Variants in RFNG observed in about 807,000 individuals in gnomAD.
RFNG encodes beta-1,3-N-acetylglucosaminyltransferase radical fringe.
RFNG carries 37 observed loss-of-function variants against 29.6 expected under a neutral mutation model. The observed-to-expected ratio is 1.25, with a 90% CI of 0.96 to 1.65. The LOEUF (loss-of-function observed/expected upper bound fraction) is 1.65. Ranked by LOEUF, RFNG falls within the 40% of genes most tolerant of loss-of-function variation. The pLI, the probability that RFNG is intolerant of heterozygous loss-of-function variation, is 0.00. For missense variants in RFNG, 546 were observed against 457.0 expected (o/e 1.19, Z -1.78); for synonymous variants, 276 against 197.3 (o/e 1.40, Z -3.34).
rs1425984583 is a variant in RFNG, at chr17:82,050,490, C to G, written c.485G>C (p.Ser162Thr). Residue 162 changes from serine (S) to threonine (T), a missense_variant, in exon 4 of 8, where the codon AGC becomes ACC. Transcript: ENST00000310496. ...GTAGACGTCCTGGCTGGGTGAGAAG[C>G]TGGAGAGCAGGTGCAGGAGGCTCCT... ...NARSLLHLLS[S>T]FSPSQDVYLG... The G allele has an allele frequency of 6.2e-7, 1 of 1,613,008 alleles. No homozygotes were observed.
At chr17:82,050,343 C>T (rs2030296059) in intron 4 of RFNG, 59 bp downstream of exon 4, 7 of 1,506,676 alleles carry the variant, frequency 4.6e-6, no homozygotes, top group African/African-American at 4.2e-5. Flanking sequence ...CTCTGCTGTG[C>T]CTCCCGGGCT....
Position 82,048,161 on chromosome 17 carries a change from C to G in RFNG, c.*565G>C, listed in dbSNP as rs1422757005. Reference sequence around the variant, plus strand: ...CATCTCTGTGGTCCCAGTCAAGAGGCCTCCGAATGAGGCGCCTGGACTGGG... The same window carrying G: ...CATCTCTGTGGTCCCAGTCAAGAGGGCTCCGAATGAGGCGCCTGGACTGGG... On this transcript the variant is annotated 3_prime_UTR_variant, in exon 8 of 8. Transcript: ENST00000310496. 1.3e-5 allele frequency: 2 copies of G among 156,566 alleles called. No individual in the cohort carries two copies. The highest frequency in any genetic ancestry group is 2.4e-5 in the African/African-American group (1 of 41,474). The allele number at this position is 156,566 out of a possible 1,614,324, so 9.7% of individuals were successfully genotyped here. A position where few individuals can be genotyped will look rare whatever the true frequency, so the allele number is the denominator to read the frequency against.
chr17:82,048,973 G>A (rs1364111327), intron 7 of RFNG, 58 bp downstream of exon 7: 23 of 1,565,920 alleles, frequency 1.5e-5, no homozygotes, highest in Non-Finnish European at 2.0e-5. Flanking sequence ...TGGGTAGAGG[G>A]AGCTGATGCC....
At chr17:82,049,497 A>G in intron 6 of RFNG, 180 bp downstream of exon 6, 1 of 762,868 alleles carries the variant, frequency 1.3e-6, no homozygotes, top group Non-Finnish European at 2.3e-6. Context: ...ACCATACCCC[A>G]TCTGTACGTG....
chr17:82,048,774 G>A lies in RFNG; in HGVS notation c.948C>T (p.Asp316=). ...GTTTCTGCCTGGGACACCAGTCCGT[G>A]TCTGGGTACAGAAGACAATGGATAG... ...FKSIHCLLYP[D]TDWCPRQKQG... Residue 316 remains aspartate (D), a synonymous_variant, in exon 8 of 8, where the codon GAC becomes GAT. Transcript: ENST00000310496. 3.7e-6 allele frequency: 6 copies of A among 1,613,370 alleles called. No homozygotes were observed. The highest frequency in any genetic ancestry group is 2.7e-5 in the African/African-American group (2 of 75,034).
chr17:82,051,252 G>T lies in RFNG; in HGVS notation c.316+42C>A, dbSNP rs745335976. ...GTGGCTTCGGAGCGAGAAAGGCTCG[G>T]GGGGCAGATCCCGCGGGCGCCGGGG... On this transcript the variant is annotated intron_variant, in intron 2 of 7. Transcript: ENST00000310496. The surrounding 1 kb of genome is among the most constrained non-coding windows in gnomAD (Gnocchi z 4.1). The T allele has an allele frequency of 8.9e-6, 12 of 1,341,864 alleles. No homozygotes were observed. Among genetic ancestry groups the T allele is most frequent in the Admixed American group, 3.7e-5 (1 of 27,336 alleles). The allele number at this position is 1,341,864 out of a possible 1,614,324, so 83.1% of individuals were successfully genotyped here.
intron 4 of RFNG, 181 bp downstream of exon 4, chr17:82,050,221 C>T: frequency 1.2e-6 from 1 of 831,110 alleles, no homozygotes; most frequent in African/African-American, 1.7e-5. Context: ...CCCTCTCTGC[C>T]CAGTACGGTG....
At position 82,049,051 on chromosome 17, in the gene RFNG, G is replaced by C. The variant is rs750480756; in HGVS notation, c.894C>G (p.Ser298Arg). The change falls in exon 7 of 8, where the codon AGC becomes AGG. Residue 298 changes from serine to arginine, a missense_variant. Coordinates refer to ENST00000310496, the MANE Select transcript of RFNG (RefSeq NM_002917.2). ...CTCACCGTGTGGGGTCTTGATGCAG[G>C]CTGAAGCCTCCAGCCACGTTCACCA... ...HNVVNVAGGF[S>R]LHQDPTRFKS... 6.2e-7 allele frequency: 1 copy of C among 1,613,320 alleles called. No homozygotes were observed. The highest frequency in any genetic ancestry group is 1.3e-5 in the African/African-American group (1 of 74,866).
At position 82,048,614 on chromosome 17, in the gene RFNG, G is replaced by T; in HGVS notation, c.*112C>A. 1 of 825,586 alleles carries T rather than the reference G, an allele frequency of 1.2e-6. No homozygotes were observed. The highest frequency in any genetic ancestry group is 2.0e-6 in the Non-Finnish European group (1 of 489,716). 51.1% of individuals were successfully genotyped at this position (825,586 alleles called of 1,614,324 possible). ...TAGCCAGAGGGTCTGCCAGGTGCCTGCATCTCACTGGTGTGGCCGTGGCAC... is the reference window on the plus strand; with the variant it reads ...TAGCCAGAGGGTCTGCCAGGTGCCTTCATCTCACTGGTGTGGCCGTGGCAC... On this transcript the variant is annotated 3_prime_UTR_variant, in exon 8 of 8. Coordinates refer to ENST00000310496, the MANE Select transcript of RFNG (RefSeq NM_002917.2).
Position 82,048,097 on chromosome 17 carries a change from C to G in RFNG, c.*629G>C, listed in dbSNP as rs2030043289. 6.5e-6 allele frequency: 1 copy of G among 152,834 alleles called. No individual in the cohort carries two copies. The highest frequency in any genetic ancestry group is 2.4e-5 in the African/African-American group (1 of 41,420). 9.5% of individuals were successfully genotyped at this position (152,834 alleles called of 1,614,324 possible). Reference sequence around the variant, plus strand: ...GGCACAGTGGGGCAGGAGCACGACCCAGAAAGTAGTCCTGAGCCACAAGTC... The same window carrying G: ...GGCACAGTGGGGCAGGAGCACGACCGAGAAAGTAGTCCTGAGCCACAAGTC... On this transcript the variant is annotated 3_prime_UTR_variant, in exon 8 of 8. Coordinates refer to ENST00000310496, the MANE Select transcript of RFNG (RefSeq NM_002917.2).
Position 82,051,247 on chromosome 17 carries a change from G to T in RFNG, c.316+47C>A, listed in dbSNP as rs892229167. ...GGGCCGTGGCTTCGGAGCGAGAAAG[G>T]CTCGGGGGGCAGATCCCGCGGGCGC... On this transcript the variant is annotated intron_variant, in intron 2 of 7. Transcript: ENST00000310496. This position sits in a 1 kb window ranked among gnomAD's most constrained non-coding sequence, Gnocchi z 4.1. 2.2e-6 allele frequency: 3 copies of T among 1,335,924 alleles called. No individual in the cohort carries two copies. Among genetic ancestry groups the T allele is most frequent in the African/African-American group, 3.0e-5 (2 of 66,022 alleles). The allele number at this position is 1,335,924 out of a possible 1,614,324, so 82.8% of individuals were successfully genotyped here. A position where few individuals can be genotyped will look rare whatever the true frequency, so the allele number is the denominator to read the frequency against.
chr17:82,051,331 G>T lies in RFNG; in HGVS notation c.279C>A (p.Phe93Leu). Reference protein sequence around the residue: ...ISRARQQTFIFTDGDDPELEL... With the variant: ...ISRARQQTFILTDGDDPELEL... ...CGAGCTCAGGGTCGTCCCCGTCGGT[G>T]AAGATAAACGTCTGGGGGAGAAACA... The change falls in exon 2 of 8, where the codon TTC becomes TTA. Residue 93 changes from phenylalanine (F) to leucine (L), a missense_variant. Phe to Leu is a conservative substitution (Grantham distance 22). Transcript: ENST00000310496. The surrounding 1 kb of genome is among the most constrained non-coding windows in gnomAD (Gnocchi z 4.1). 1 of 1,456,496 alleles carries T rather than the reference G, an allele frequency of 6.9e-7. No individual in the cohort carries two copies. The highest frequency in any genetic ancestry group is 9.0e-7 in the Non-Finnish European group (1 of 1,111,382). The allele number at this position is 1,456,496 out of a possible 1,614,324, so 90.2% of individuals were successfully genotyped here.
In RFNG at chr17:82,048,566, C is replaced by T; in HGVS notation, c.*160G>A. The T allele has an allele frequency of 1.5e-6, 1 of 645,812 alleles. No homozygotes were observed. Among genetic ancestry groups the T allele is most frequent in the East Asian group, 2.7e-5 (1 of 37,606 alleles). 40.0% of individuals were successfully genotyped at this position (645,812 alleles called of 1,614,324 possible). A position where few individuals can be genotyped will look rare whatever the true frequency, so the allele number is the denominator to read the frequency against. On this transcript the variant is annotated 3_prime_UTR_variant, in exon 8 of 8. Transcript: ENST00000310496. ...ACCCATCACCGCAGCCCACCAGGGG[C>T]TGGGAGAGGGGGGGCTGCAGGCTAG...
rs905084494 is a variant in RFNG, at chr17:82,051,296, C to T, written c.314G>A (p.Gly105Asp). 7.1e-7 allele frequency: 1 copy of T among 1,414,432 alleles called. No homozygotes were observed. The highest frequency in any genetic ancestry group is 9.2e-7 in the Non-Finnish European group (1 of 1,086,346). 87.6% of individuals were successfully genotyped at this position (1,414,432 alleles called of 1,614,324 possible). A position where few individuals can be genotyped will look rare whatever the true frequency, so the allele number is the denominator to read the frequency against. ...GCCGGGGAGTGGGGGACACTCACCG[C>T]CCTGGAGCTCGAGCTCAGGGTCGTC... ...DGDDPELELQGGDRVINTNCS... is the reference protein window; with the variant it reads ...DGDDPELELQDGDRVINTNCS... The change falls in exon 2 of 8, where the codon GGC (glycine) becomes GAC (aspartate). Residue 105 changes from glycine to aspartate, a missense_variant and splice_region_variant. Transcript: ENST00000310496. This position sits in a 1 kb window ranked among gnomAD's most constrained non-coding sequence, Gnocchi z 4.1.
intron 7 of RFNG, 99 bp downstream of exon 7, chr17:82,048,932 T>G: frequency 6.9e-7 from 1 of 1,451,280 alleles, no homozygotes; most frequent in Non-Finnish European, 9.6e-7. Context: ...GTCAGGGCCG[T>G]GGGCGGAGGG....
Position 82,049,124 on chromosome 17 carries a change from G to C in RFNG, c.829-8C>G, listed in dbSNP as rs753078716. ...CCCATGGCTCAAGGTAACCTGGGAG[G>C]GAAGGGTGTGGGCAGAGTGTGTGGC... On this transcript the variant is annotated splice_region_variant and splice_polypyrimidine_tract_variant and intron_variant, in intron 6 of 7. Transcript: ENST00000310496. The C allele has an allele frequency of 1.2e-6, 2 of 1,611,192 alleles. No individual in the cohort carries two copies. Among genetic ancestry groups the C allele is most frequent in the Non-Finnish European group, 1.7e-6 (2 of 1,178,220 alleles).
Position 82,049,081 on chromosome 17 carries a change from A to T in RFNG, c.864T>A (p.His288Gln), listed in dbSNP as rs12948507. 51 of 1,613,238 alleles carry T rather than the reference A, an allele frequency of 3.2e-5. No homozygotes were observed. Among genetic ancestry groups the T allele is most frequent in the Non-Finnish European group, 4.3e-5 (51 of 1,179,836 alleles). Reference sequence around the variant, plus strand: ...AGCCTCCAGCCACGTTCACCACGTTATGTGGGTTCTCAGGACCCCCATGGC... The same window carrying T: ...AGCCTCCAGCCACGTTCACCACGTTTTGTGGGTTCTCAGGACCCCCATGGC... ...TLSHGGPENP[H>Q]NVVNVAGGFS... The change falls in exon 7 of 8, where the codon CAT becomes CAA. Residue 288 changes from histidine (H) to glutamine (Q), a missense_variant. Physicochemically the swap from His to Gln is conservative, Grantham distance 24. Transcript: ENST00000310496.
At chr17:82,050,847 G>A in intron 2 of RFNG, 83 bp from the exon 3 acceptor site, 6 of 1,493,842 alleles carry the variant, frequency 4.0e-6, no homozygotes, top group Non-Finnish European at 5.5e-6. Flanking sequence ...GCCCCCAAGG[G>A]CCAGGGCACA....
In RFNG at chr17:82,051,431, C is replaced by A. The variant is rs912833330; in HGVS notation, c.267+69G>T. 1 of 1,345,502 alleles carries A rather than the reference C, an allele frequency of 7.4e-7. No individual in the cohort carries two copies. Among genetic ancestry groups the A allele is most frequent in the Non-Finnish European group, 9.6e-7 (1 of 1,046,138 alleles). The allele number at this position is 1,345,502 out of a possible 1,614,324, so 83.3% of individuals were successfully genotyped here. ...GCGCGGAGCCTCCGGGGGCCTGGGCCGGGCCTAGACCCTGGGAGGCGGGGC... is the reference window on the plus strand; with the variant it reads ...GCGCGGAGCCTCCGGGGGCCTGGGCAGGGCCTAGACCCTGGGAGGCGGGGC... On this transcript the variant is annotated intron_variant, in intron 1 of 7. Transcript: ENST00000310496. This position sits in a 1 kb window ranked among gnomAD's most constrained non-coding sequence, Gnocchi z 4.1.
Sources: gnomAD v4.1 joint callset for allele counts on GRCh38, gnomAD v4.1.1 for gene constraint, Gnocchi (gnomAD v3.1) non-coding constraint, MANE v1.5 for transcripts, NCBI Gene and HGNC (gene_info 2026-07-23, HGNC 2026-07-21) for gene names.